The following SHANK1 variants were observed in gnomAD, a reference collection of about 807,000 sequenced individuals.
The protein encoded by SHANK1 is SH3 and multiple ankyrin repeat domains 1.
In SHANK1, 35 loss-of-function variants were observed where a neutral mutation model predicts 165.6. That is an observed-to-expected ratio of 0.21 (90% CI 0.16 to 0.28). The LOEUF (loss-of-function observed/expected upper bound fraction) is 0.28, where lower values mean the gene tolerates loss of function less well. SHANK1 is among the 10% of genes least tolerant of loss of function. SHANK1 has a pLI of 1.00. For synonymous variants in SHANK1, 1,428 were observed against 1,384.8 expected (o/e 1.03, Z -0.69); for missense variants, 2,681 against 3,036.4 (o/e 0.88, Z 2.75).
intron 15 of SHANK1, among the ~76,000 whole-genome samples, chr19:50,696,416 C>T (rs1469813681): frequency 6.6e-6 from 1 of 152,170 alleles, no homozygotes; most frequent in Admixed American, 6.5e-5. Context: ...TCTCTGTCCC[C>T]CCCATCCCCG....
At chr19:50,704,696 G>A (rs1051244354) in intron 8 of SHANK1, among the ~76,000 whole-genome samples, 182 bp from the exon 9 acceptor site, 26 of 152,150 alleles carry the variant, frequency 1.7e-4, no homozygotes, top group Admixed American at 3.3e-4. Context: ...AAACGTGGCC[G>A]GCCCAAACGG....
intron 15 of SHANK1, chr19:50,689,537 T>C: frequency 3.2e-6 from 2 of 626,634 alleles, no homozygotes; most frequent in Admixed American, 3.1e-5. Flanking sequence ...CACCCATCCA[T>C]TCAGCACCAG....
At chr19:50,680,067 CACAGAGACAGAGATGGAGAG>C (rs1986127186) in intron 21 of SHANK1, among the ~76,000 whole-genome samples, 1 of 149,976 alleles carries the variant, frequency 6.7e-6, no homozygotes, top group Non-Finnish European at 1.5e-5. Flanking sequence ...GACAAGGAGA[CACAGAGACAGAGATGGAGAG>C]ACAGAGACAA....
intron 12 of SHANK1, among the ~76,000 whole-genome samples, chr19:50,701,698 C>T (rs1204332214): frequency 6.6e-6 from 1 of 152,172 alleles, no homozygotes; most frequent in South Asian, 2.1e-4. Context: ...AACCTCTATA[C>T]CGCTCAGCTC....
chr19:50,702,441 C>G lies in SHANK1; in HGVS notation c.1747+26G>C, dbSNP rs1162927709. On this transcript the variant is annotated intron_variant, in intron 12 of 23. Transcript: ENST00000293441. This position sits in a 1 kb window ranked among gnomAD's most constrained non-coding sequence, Gnocchi z 5.3. ...GATCGCCCCCACAGCCCAGCCCAGC[C>G]CAGGCCCTGCTTCCACCCTGGGTAC... 1 of 1,593,972 alleles carries G rather than the reference C, an allele frequency of 6.3e-7. No individual in the cohort carries two copies. Among genetic ancestry groups the G allele is most frequent in the Non-Finnish European group, 8.6e-7 (1 of 1,169,554 alleles).
At chr19:50,681,343 G>C (rs1321523719) in intron 21 of SHANK1, among the ~76,000 whole-genome samples, 1 of 152,214 alleles carries the variant, frequency 6.6e-6, no homozygotes, top group Non-Finnish European at 1.5e-5. Context: ...CAGGGCAAAT[G>C]ACTATGGGTC....
Position 50,709,421 on chromosome 19 carries a change from G to A in SHANK1, c.1077+1950C>T, listed in dbSNP as rs1333419516. ...CTCCCAAAGTGCTGGAATTACAGGC[G>A]TGAGCCACTGCGCCCGGCCTGCATG... On this transcript the variant is annotated intron_variant, in intron 8 of 23. Coordinates refer to ENST00000293441, the MANE Select transcript of SHANK1 (RefSeq NM_016148.5). Among the ~76,000 whole-genome samples, 5 of 152,096 alleles carry A rather than the reference G, an allele frequency of 3.3e-5. No individual in the cohort carries two copies. In the East Asian group the frequency reaches 5.8e-4, roughly 18 times the overall value.
At chr19:50,695,867 C>G (rs1490791635) in intron 15 of SHANK1, among the ~76,000 whole-genome samples, 1 of 151,914 alleles carries the variant, frequency 6.6e-6, no homozygotes, top group Non-Finnish European at 1.5e-5. Context: ...GCGTGGACCC[C>G]GAGCCAGCGC....
In SHANK1 at chr19:50,672,055, A is replaced by G. The variant is rs1251889849; in HGVS notation, c.2637T>C (p.Pro879=). 6.2e-7 allele frequency: 1 copy of G among 1,613,792 alleles called. No individual in the cohort carries two copies. Among genetic ancestry groups the G allele is most frequent in the Non-Finnish European group, 8.5e-7 (1 of 1,179,950 alleles). Residue 879 remains proline (P), a synonymous_variant, in exon 22 of 24, where the codon CCT becomes CCC. Transcript: ENST00000293441. The stretch of plus-strand genomic sequence containing the variant: ...GCCGGAGCATCAACCCAGGTCCTGG[A>G]GGCAGGAAAGAAGGACGCTCGTAAC... ...QPSYERPSFL[P]PGPGLMLRQK...
chr19:50,663,924 TTCTCTC>T (rs59638184), intron 23 of SHANK1, among the ~76,000 whole-genome samples: 1 of 113,590 alleles, frequency 8.8e-6, no homozygotes, highest in South Asian at 2.8e-4. Context: ...TTTCTTTTCT[TTCTCTC>T]TCTCTCTCTC....
At chr19:50,707,350 C>T (rs1411797707) in intron 8 of SHANK1, among the ~76,000 whole-genome samples, 1 of 152,144 alleles carries the variant, frequency 6.6e-6, no homozygotes, top group African/African-American at 2.4e-5. Flanking sequence ...AACTTGGCCT[C>T]CAGCTCAACT....
intron 8 of SHANK1, 56 bp downstream of exon 8, chr19:50,711,315 G>A: frequency 8.3e-7 from 1 of 1,209,110 alleles, no homozygotes; most frequent in Non-Finnish European, 1.2e-6. Flanking sequence ...GCTTGGCCCT[G>A]GGGGAGGCGG....
At chr19:50,705,406 A>G (rs905638121) in intron 8 of SHANK1, among the ~76,000 whole-genome samples, 13 of 152,242 alleles carry the variant, frequency 8.5e-5, no homozygotes. Context: ...ATACACTGTT[A>G]TAAGTAAAAT....
chr19:50,661,973 C>T lies in SHANK1; in HGVS notation c.6478G>A (p.Glu2160Lys), dbSNP rs575592616. ...NIDRALKFFL[E>K]R ...TCCGTCCAGGCCAGCCATCACCTCT[C>T]CAGGAAGAATTTGAGAGCCCGGTCG... Residue 2160 changes from glutamate (E) to lysine (K), a missense_variant, in exon 24 of 24, where the codon GAG (glutamate) becomes AAG (lysine). Physicochemically the swap from Glu to Lys is moderately conservative, Grantham distance 56. Around this residue, in one of 10 missense-constraint regions of SHANK1, gnomAD observed 49 missense variants for 94.2 expected, o/e 0.52. Coordinates refer to ENST00000293441, the MANE Select transcript of SHANK1 (RefSeq NM_016148.5). 1 of 1,614,038 alleles carries T rather than the reference C, an allele frequency of 6.2e-7. No individual in the cohort carries two copies. Among genetic ancestry groups the T allele is most frequent in the South Asian group, 1.1e-5 (1 of 91,076 alleles).
chr19:50,669,140 G>A lies in SHANK1; in HGVS notation c.2820C>T (p.Ser940=), dbSNP rs1277942703. 1.2e-5 allele frequency: 18 copies of A among 1,560,522 alleles called. No individual in the cohort carries two copies. The highest frequency in any genetic ancestry group is 1.3e-5 in the Non-Finnish European group (15 of 1,153,820). The part of the protein sequence containing the change: ...EPPYSTPPVP[S]SSGRLTPSPR... ...GGGAGGGGGTGAGGCGCCCTGAGGA[G>A]GAGGGGACTGGAGGTGTGCTGTAGG... Residue 940 remains serine (S), a synonymous_variant, in exon 23 of 24, where the codon TCC becomes TCT. Transcript: ENST00000293441.
intron 8 of SHANK1, among the ~76,000 whole-genome samples, chr19:50,706,300 T>A (rs1433964064): frequency 6.6e-6 from 1 of 152,046 alleles, no homozygotes; most frequent in African/African-American, 2.4e-5. Flanking sequence ...GGGACACACA[T>A]TGTGGAGGAA....
At chr19:50,689,305 G>A in intron 15 of SHANK1, 26 bp from the exon 16 acceptor site, 3 of 1,474,146 alleles carry the variant, frequency 2.0e-6, no homozygotes, top group Admixed American at 1.7e-5. Flanking sequence ...GAGAAATGGG[G>A]GGGTGGTGGG....
At chr19:50,701,986 G>T (rs1019586423) in intron 12 of SHANK1, among the ~76,000 whole-genome samples, 4 of 152,166 alleles carry the variant, frequency 2.6e-5, no homozygotes, top group African/African-American at 7.2e-5. Context: ...GTAGGTCCCT[G>T]CCTGTCTCTC....
Position 50,713,767 on chromosome 19 carries a change from T to C in SHANK1, c.792+31A>G, listed in dbSNP as rs769331578. 1 of 1,609,738 alleles carries C rather than the reference T, an allele frequency of 6.2e-7. No individual in the cohort carries two copies. The highest frequency in any genetic ancestry group is 1.1e-5 in the South Asian group (1 of 90,946). The stretch of plus-strand genomic sequence containing the variant: ...AAAGGGAAAAGGAGAGAGGGCCCCA[T>C]GGCGGGGATGGGGGGTCCCCGAAGC... On this transcript the variant is annotated intron_variant, in intron 6 of 23. Coordinates refer to ENST00000293441, the MANE Select transcript of SHANK1 (RefSeq NM_016148.5). This position sits in a 1 kb window ranked among gnomAD's most constrained non-coding sequence, Gnocchi z 6.2.
Sources: gnomAD v4.1 joint callset for allele counts (sites outside exome capture counted in the v4.1 genomes callset) on GRCh38, gnomAD v4.1.1 for gene constraint, gnomAD v4.1.1 regional missense constraint, Gnocchi (gnomAD v3.1) non-coding constraint, MANE v1.5 for transcripts, NCBI Gene and HGNC (gene_info 2026-07-23, HGNC 2026-07-21) for gene names.